NSUN6: variants seen among roughly 807,000 people sequenced by gnomAD.
NSUN6 encodes tRNA (cytosine(72)-C(5))-methyltransferase NSUN6.
In NSUN6, 64 loss-of-function variants were observed where a neutral mutation model predicts 58.0. The ratio of observed to expected loss-of-function variants is 1.10; its 90% CI spans 0.90 to 1.36. The LOEUF is 1.36. Ranked by LOEUF, NSUN6 falls within the 40% of genes most tolerant of loss-of-function variation. NSUN6 has a pLI of 0.00. For missense variants in NSUN6, 701 were observed against 550.1 expected (o/e 1.27, Z -2.74); for synonymous variants, 231 against 193.9 (o/e 1.19, Z -1.59).
At chr10:18,604,903 T>C (rs1167072207) in intron 6 of NSUN6, among the ~76,000 whole-genome samples, 1 of 150,258 alleles carries the variant, frequency 6.7e-6, no homozygotes, top group Non-Finnish European at 1.5e-5. Flanking sequence ...TTTTTCTTTT[T>C]GAGACGGAGT....
chr10:18,628,569 G>A (rs1255634369), intron 3 of NSUN6, among the ~76,000 whole-genome samples: 2 of 152,008 alleles, frequency 1.3e-5, no homozygotes, highest in South Asian at 2.1e-4. Context: ...AAGGAGCTGA[G>A]GGAGCTGAAA....
At chr10:18,563,441 G>T (rs1405129004) in intron 8 of NSUN6, among the ~76,000 whole-genome samples, 1 of 151,174 alleles carries the variant, frequency 6.6e-6, no homozygotes, top group Admixed American at 6.6e-5. Flanking sequence ...GAATGGAATG[G>T]AGAATGAAAG....
At chr10:18,616,144 T>C in intron 4 of NSUN6, 40 bp downstream of exon 4, 1 of 1,136,196 alleles carries the variant, frequency 8.8e-7, no homozygotes, top group Non-Finnish European at 1.3e-6. Context: ...GCACATAAAT[T>C]TTAGAGAACC....
chr10:18,546,546 A>T (rs746573451), intron 10 of NSUN6, among the ~76,000 whole-genome samples: 5 of 152,194 alleles, frequency 3.3e-5, no homozygotes, highest in Admixed American at 2.0e-4. Flanking sequence ...CACACCTGGC[A>T]TATAGCAGGG....
upstream of NSUN6, among the ~76,000 whole-genome samples, chr10:18,657,533 T>A (rs1201941447): frequency 6.6e-6 from 1 of 152,202 alleles, no homozygotes; most frequent in Non-Finnish European, 1.5e-5. Context: ...TAATTCAAAC[T>A]TACTGTCTCT....
At chr10:18,625,062 G>C (rs1168470429) in intron 3 of NSUN6, among the ~76,000 whole-genome samples, 1 of 152,122 alleles carries the variant, frequency 6.6e-6, no homozygotes, top group Admixed American at 6.5e-5. Context: ...TCACAATTAG[G>C]TGCTGGAGGA....
At chr10:18,621,792 A>G (rs1186435702) in intron 3 of NSUN6, among the ~76,000 whole-genome samples, 1 of 152,216 alleles carries the variant, frequency 6.6e-6, no homozygotes, top group Non-Finnish European at 1.5e-5. Context: ...ATCTAAAATC[A>G]TGTATTTTTA....
upstream of NSUN6, among the ~76,000 whole-genome samples, chr10:18,657,990 A>T (rs2059796571): frequency 6.6e-6 from 1 of 152,204 alleles, no homozygotes; most frequent in Non-Finnish European, 1.5e-5. Flanking sequence ...CAGAAAAAAA[A>T]AAAAAAAGCA....
intron 2 of NSUN6, among the ~76,000 whole-genome samples, chr10:18,647,874 C>G (rs537111565): frequency 2.0e-5 from 3 of 151,892 alleles, no homozygotes; most frequent in Admixed American, 2.0e-4. Flanking sequence ...TAGCTGAGAT[C>G]ACAGGCATGT....
chr10:18,584,976 C>T (rs920463562), intron 8 of NSUN6, among the ~76,000 whole-genome samples: 14 of 128,536 alleles, frequency 1.1e-4, no homozygotes, highest in African/African-American at 2.7e-4. Flanking sequence ...TCAAATAGAT[C>T]TTTCAAAAAT....
intron 3 of NSUN6, among the ~76,000 whole-genome samples, chr10:18,617,183 T>C (rs1368307430): frequency 1.4e-5 from 2 of 144,732 alleles, no homozygotes; most frequent in Non-Finnish European, 3.0e-5. Context: ...TTAGCCTTTC[T>C]AGTTTTTTTT....
In NSUN6 at chr10:18,584,075, A is replaced by G. The variant is rs2057021399; in HGVS notation, c.922+1874T>C. Among the ~76,000 whole-genome samples, 4 of 152,316 alleles carry G rather than the reference A, an allele frequency of 2.6e-5. No individual in the cohort carries two copies. In the South Asian group the frequency reaches 8.3e-4, roughly 32 times the overall value. On this transcript the variant is annotated intron_variant, in intron 8 of 10. Coordinates refer to ENST00000377304, the MANE Select transcript of NSUN6 (RefSeq NM_182543.5). ...ATTTGCAGACCAAACCATACTGGCCAGCGAACTTTCACCTCCAGGGGGTGG... is the reference window on the plus strand; with the variant it reads ...ATTTGCAGACCAAACCATACTGGCCGGCGAACTTTCACCTCCAGGGGGTGG...
At chr10:18,584,867 G>C (rs1198417216) in intron 8 of NSUN6, among the ~76,000 whole-genome samples, 1 of 150,944 alleles carries the variant, frequency 6.6e-6, no homozygotes, top group Non-Finnish European at 1.5e-5. Flanking sequence ...CCCCAAAGAT[G>C]GTAACATGAC....
chr10:18,574,409 T>G (rs780552660), intron 8 of NSUN6, among the ~76,000 whole-genome samples: 1 of 152,018 alleles, frequency 6.6e-6, no homozygotes, highest in Non-Finnish European at 1.5e-5. Context: ...CCCAGCAGGT[T>G]TCCTAACAGG....
intron 3 of NSUN6, among the ~76,000 whole-genome samples, chr10:18,627,462 C>G (rs1173714484): frequency 6.6e-6 from 1 of 152,192 alleles, no homozygotes; most frequent in Non-Finnish European, 1.5e-5. Flanking sequence ...GTGAGCGACG[C>G]AGAAGACGGG....
At chr10:18,549,493 T>C (rs146282102) in intron 9 of NSUN6, among the ~76,000 whole-genome samples, 105 of 152,306 alleles carry the variant, frequency 6.9e-4, no homozygotes, top group Middle Eastern at 3.4e-3. Flanking sequence ...CATAGGGCCA[T>C]TGCATTATTG....
In NSUN6 at chr10:18,609,833, A is replaced by G; in HGVS notation, c.657+12T>C. 7.4e-7 allele frequency: 1 copy of G among 1,359,732 alleles called. No individual in the cohort carries two copies. Among genetic ancestry groups the G allele is most frequent in the South Asian group, 1.2e-5 (1 of 85,232 alleles). 84.2% of individuals were successfully genotyped at this position (1,359,732 alleles called of 1,614,324 possible). On this transcript the variant is annotated intron_variant, in intron 6 of 10. Transcript: ENST00000377304. ...CAATGTCACTAAATATTTTACTTTT[A>G]TACATACTTACTTGTAAAAATAAGT...
chr10:18,565,865 AG>A, intron 8 of NSUN6, among the ~76,000 whole-genome samples: 16 of 148,586 alleles, frequency 1.1e-4, no homozygotes, highest in Non-Finnish European at 2.1e-4. Context: ...TCTCCATTCC[AG>A]TTCATTCTGC....
intron 8 of NSUN6, among the ~76,000 whole-genome samples, chr10:18,569,105 C>A (rs1427526296): frequency 6.6e-6 from 1 of 151,086 alleles, no homozygotes; most frequent in Non-Finnish European, 1.5e-5. Flanking sequence ...CATTCCATTC[C>A]ATTCTCCATC....
Sources: gnomAD v4.1 joint callset for allele counts (sites outside exome capture counted in the v4.1 genomes callset) on GRCh38, gnomAD v4.1.1 for gene constraint, MANE v1.5 for transcripts, NCBI Gene and HGNC (gene_info 2026-07-23, HGNC 2026-07-21) for gene names.